Variants in CEP128 observed in about 807,000 individuals in gnomAD.
The protein encoded by CEP128 is centrosomal protein 128kDa.
CEP128 carries 132 observed loss-of-function variants against 156.7 expected under a neutral mutation model. That is an observed-to-expected ratio of 0.84 (90% CI 0.73 to 0.97). The LOEUF (loss-of-function observed/expected upper bound fraction) is 0.97, where lower values mean the gene tolerates loss of function less well. Ranked by LOEUF, CEP128 falls within the 50% of genes least tolerant of loss-of-function variation. CEP128 has a pLI of 0.00. For synonymous variants in CEP128, 469 were observed against 448.9 expected, an observed-to-expected ratio of 1.04 and a Z score of -0.57; for missense variants, 1,252 against 1,281.9, an observed-to-expected ratio of 0.98 and a Z score of 0.36.
chr14:80,641,453 T>G (rs8010347), intron 19 of CEP128, among the ~76,000 whole-genome samples: 28,899 of 152,216 alleles, frequency 0.19, 2,936 homozygotes, highest in East Asian at 0.35. Flanking sequence ...TGGTACCATA[T>G]GCTACAGTCA....
At chr14:80,487,816 T>C (rs550797848), downstream of CEP128, among the ~76,000 whole-genome samples, 145 of 152,072 alleles carry the variant, frequency 9.5e-4, 1 homozygote, top group African/African-American at 3.3e-3. Context: ...TAAAGATGTT[T>C]TTTGAAACCA....
At chr14:80,482,728 A>G (rs1887081228) in intron 14 of CEP128, among the ~76,000 whole-genome samples, 1 of 152,228 alleles carries the variant, frequency 6.6e-6, no homozygotes. Context: ...AAATGTGCCA[A>G]ACATCACTTT....
intron 22 of CEP128, among the ~76,000 whole-genome samples, chr14:80,529,383 T>G (rs989160837): frequency 3.9e-5 from 6 of 152,214 alleles, no homozygotes; most frequent in African/African-American, 1.2e-4. Flanking sequence ...GAGCTAGACT[T>G]GTAGATGATC....
chr14:80,921,576 AG>A (rs933906421), intron 2 of CEP128, among the ~76,000 whole-genome samples: 15 of 152,346 alleles, frequency 9.8e-5, no homozygotes, highest in African/African-American at 3.6e-4. Context: ...ATATAAATTT[AG>A]AGGTGTGGGG....
intron 13 of CEP128, among the ~76,000 whole-genome samples, chr14:80,810,939 C>A (rs1170802908): frequency 4.6e-5 from 7 of 152,140 alleles, no homozygotes; most frequent in African/African-American, 7.2e-5. Flanking sequence ...TGCTCTCCCT[C>A]CCCTAATGCC....
intron 19 of CEP128, among the ~76,000 whole-genome samples, chr14:80,665,510 A>G (rs1895577002): frequency 6.6e-6 from 1 of 152,194 alleles, no homozygotes; most frequent in Non-Finnish European, 1.5e-5. Flanking sequence ...GCTACCACAC[A>G]TACATTTTTA....
At chr14:80,773,192 TA>T (rs1235047853) in intron 16 of CEP128, among the ~76,000 whole-genome samples, 1 of 152,194 alleles carries the variant, frequency 6.6e-6, no homozygotes, top group African/African-American at 2.4e-5. Flanking sequence ...CTTGTATATA[TA>T]AAATGAAAAT....
chr14:80,563,179 C>G (rs1322007957), intron 20 of CEP128, among the ~76,000 whole-genome samples: 2 of 151,980 alleles, frequency 1.3e-5, no homozygotes, highest in Non-Finnish European at 2.9e-5. Context: ...ACTCCACCCA[C>G]CCTTCCAAAC....
At chr14:80,877,508 G>A (rs893576250) in intron 8 of CEP128, among the ~76,000 whole-genome samples, 4 of 152,130 alleles carry the variant, frequency 2.6e-5, no homozygotes, top group African/African-American at 9.7e-5. Context: ...CCAACTAAAA[G>A]CTCCTAGCAC....
In CEP128 at chr14:80,497,365, A is replaced by G. The variant is rs566127538; in HGVS notation, c.*114T>C. On this transcript the variant is annotated 3_prime_UTR_variant, in exon 25 of 25. Transcript: ENST00000555265. ...CTTTTGTCAATGTTTGGCAATACCA[A>G]AGAGCCAAAGCTGCAGGTATGTCTG... is the stretch of plus-strand genomic sequence containing the variant. 280 of 674,448 alleles carry G rather than the reference A, an allele frequency of 4.2e-4. 2 individuals carry two copies. In the South Asian group the frequency reaches 5.0e-3, roughly 12 times the overall value. 41.8% of individuals were successfully genotyped at this position (674,448 alleles called of 1,614,324 possible).
intron 18 of CEP128, among the ~76,000 whole-genome samples, chr14:80,746,468 C>G (rs1313779071): frequency 6.6e-6 from 1 of 152,020 alleles, no homozygotes; most frequent in Admixed American, 6.6e-5. Context: ...AACAAAAGAT[C>G]CAAAACAATT....
At chr14:80,565,074 G>C (rs923371359) in intron 20 of CEP128, among the ~76,000 whole-genome samples, 4 of 152,028 alleles carry the variant, frequency 2.6e-5, no homozygotes, top group Admixed American at 6.6e-5. Context: ...AAAAAGAAAA[G>C]AGAAAGGAAA....
chr14:80,632,966 A>C (rs1395081274), intron 19 of CEP128, among the ~76,000 whole-genome samples: 1 of 152,132 alleles, frequency 6.6e-6, no homozygotes, highest in Non-Finnish European at 1.5e-5. Context: ...TGGGATTCAC[A>C]CCTGTAATCC....
At position 80,585,990 on chromosome 14, in the gene CEP128, A is replaced by G. The variant is rs576111177; in HGVS notation, c.2807-5567T>C. Among the ~76,000 whole-genome samples the G allele has an allele frequency of 8.5e-5, 13 of 152,302 alleles. No homozygotes were observed. In the South Asian group the frequency reaches 2.3e-3, roughly 27 times the overall value. ...TTATTCCATTCCAGATACTCAAGACATTAGCTACATGCCAGAGATAACGGG... is the reference window on the plus strand; with the variant it reads ...TTATTCCATTCCAGATACTCAAGACGTTAGCTACATGCCAGAGATAACGGG... On this transcript the variant is annotated intron_variant, in intron 19 of 24. Coordinates refer to ENST00000555265, the MANE Select transcript of CEP128 (RefSeq NM_152446.5).
At chr14:80,534,000 C>G (rs1035178131) in intron 21 of CEP128, among the ~76,000 whole-genome samples, 5 of 152,128 alleles carry the variant, frequency 3.3e-5, no homozygotes, top group Non-Finnish European at 5.9e-5. Flanking sequence ...GAATTGCATG[C>G]ACAAATGCTG....
At chr14:80,866,283 C>T (rs1232253584) in intron 8 of CEP128, among the ~76,000 whole-genome samples, 1 of 152,116 alleles carries the variant, frequency 6.6e-6, no homozygotes, top group African/African-American at 2.4e-5. Flanking sequence ...CTCCTATGGG[C>T]ATAAGCTCCA....
chr14:80,952,034 G>A (rs530815144), intron 2 of CEP128, among the ~76,000 whole-genome samples: 16 of 151,688 alleles, frequency 1.1e-4, no homozygotes, highest in African/African-American at 3.9e-4. Context: ...GCAATGAGGG[G>A]GAAAAAAAAC....
intron 19 of CEP128, among the ~76,000 whole-genome samples, chr14:80,650,645 C>G (rs1023230580): frequency 6.6e-6 from 1 of 152,138 alleles, no homozygotes; most frequent in Non-Finnish European, 1.5e-5. Flanking sequence ...TGAATTTTAT[C>G]AAAGGCCTTT....
chr14:80,949,294 T>C (rs1325429883), intron 2 of CEP128, among the ~76,000 whole-genome samples: 1 of 151,908 alleles, frequency 6.6e-6, no homozygotes, highest in East Asian at 1.9e-4. Flanking sequence ...ATTCTTTAAT[T>C]GGGGAGACAA....
Sources: allele counts gnomAD v4.1 joint callset (sites outside exome capture counted in the v4.1 genomes callset), GRCh38; gene constraint gnomAD v4.1.1; transcripts MANE v1.5; gene names NCBI Gene and HGNC (gene_info 2026-07-23, HGNC 2026-07-21).